KIAA0513: variants seen among roughly 807,000 people sequenced by gnomAD.
KIAA0513 encodes the protein uncharacterized protein KIAA0513.
A neutral mutation model predicts 56.5 loss-of-function variants in KIAA0513; 39 were observed. The ratio of observed to expected loss-of-function variants is 0.69; its 90% confidence interval spans 0.53 to 0.90. KIAA0513 has a LOEUF of 0.90. Among genes scored for constraint, KIAA0513 ranks in the 40% least tolerant of loss-of-function variants. The probability of loss-of-function intolerance (pLI) is 0.00; values close to 1 mark genes in which losing one functional copy is unlikely to be tolerated. For synonymous variants in KIAA0513, 268 were observed against 215.6 expected (o/e 1.24, Z -2.13); for missense variants, 591 against 535.2 (o/e 1.10, Z -1.03).
At chr16:85,075,191 T>G (rs1406150619) in intron 4 of KIAA0513, among the ~76,000 whole-genome samples, 2 of 151,992 alleles carry the variant, frequency 1.3e-5, no homozygotes, top group Non-Finnish European at 2.9e-5. Flanking sequence ...TTGATTAGTT[T>G]TTTATATAAA....
At chr16:85,045,518 G>C (rs1367600863) in intron 1 of KIAA0513, among the ~76,000 whole-genome samples, 2 of 152,234 alleles carry the variant, frequency 1.3e-5, no homozygotes, top group African/African-American at 4.8e-5. Flanking sequence ...ATCATGCCCA[G>C]CTAATTTTTG....
intron 4 of KIAA0513, among the ~76,000 whole-genome samples, chr16:85,074,932 C>T (rs12449059): frequency 0.33 from 49,648 of 150,444 alleles, 8,285 homozygotes; most frequent in Middle Eastern, 0.38. Flanking sequence ...GTTTTTTGTC[C>T]TATATAAGTA....
rs756951543 is a variant in KIAA0513, at chr16:85,078,942, G to A, written c.841G>A (p.Glu281Lys). The change falls in exon 8 of 13, where the codon GAG (glutamate) becomes AAG (lysine). Residue 281 changes from glutamate (E) to lysine (K), a missense_variant. Transcript: ENST00000683363. ...TCCCACAGTGACCGCGTACAGCCCC[G>A]AGGACGAAAAGAAGGGGGAGAAGAT... Reference protein sequence around the residue: ...RPRAVTAYSPEDEKKGEKIYL... With the variant: ...RPRAVTAYSPKDEKKGEKIYL... 7.4e-6 allele frequency: 12 copies of A among 1,614,014 alleles called. No individual in the cohort carries two copies. The highest frequency in any genetic ancestry group is 4.0e-5 in the African/African-American group (3 of 74,902).
intron 3 of KIAA0513, among the ~76,000 whole-genome samples, chr16:85,072,133 G>A (rs770149681): frequency 2.0e-5 from 3 of 152,092 alleles, no homozygotes; most frequent in Non-Finnish European, 2.9e-5. Flanking sequence ...TGGGAGGATC[G>A]CTTGAGCCCA....
intron 2 of KIAA0513, among the ~76,000 whole-genome samples, 182 bp downstream of exon 2, chr16:85,067,582 G>T (rs1293699995): frequency 6.6e-6 from 1 of 152,160 alleles, no homozygotes; most frequent in African/African-American, 2.4e-5. Flanking sequence ...GCAGAGCCAC[G>T]TGGAGAACTT....
chr16:85,032,014 C>T (rs1055080775), intron 1 of KIAA0513, among the ~76,000 whole-genome samples: 46 of 152,172 alleles, frequency 3.0e-4, no homozygotes, highest in Admixed American at 1.8e-3. Context: ...CAAAGAACCA[C>T]GCACTGGGGC....
chr16:85,079,082 C>T, intron 8 of KIAA0513, 79 bp downstream of exon 8: 1 of 1,606,992 alleles, frequency 6.2e-7, no homozygotes, highest in Non-Finnish European at 8.5e-7. Flanking sequence ...CTTCTAGCTG[C>T]CTTTGTCCCC....
intron 8 of KIAA0513, 199 bp downstream of exon 8, chr16:85,079,202 A>G: frequency 8.6e-7 from 1 of 1,163,810 alleles, no homozygotes; most frequent in African/African-American, 1.5e-5. Flanking sequence ...TATGGCTAGG[A>G]GCAATGTAAA....
At chr16:85,041,826 C>G (rs1343550224) in intron 1 of KIAA0513, among the ~76,000 whole-genome samples, 1 of 152,084 alleles carries the variant, frequency 6.6e-6, no homozygotes, top group Non-Finnish European at 1.5e-5. Flanking sequence ...GGGTTCTGGA[C>G]CCATCTGAGG....
intron 1 of KIAA0513, among the ~76,000 whole-genome samples, chr16:85,034,632 G>A (rs867188470): frequency 1.3e-5 from 2 of 152,300 alleles, no homozygotes; most frequent in South Asian, 4.1e-4. Context: ...TTTATCTTAT[G>A]TGGCTGAGGT....
chr16:85,040,036 G>T (rs569989629), intron 1 of KIAA0513, among the ~76,000 whole-genome samples: 29 of 151,830 alleles, frequency 1.9e-4, no homozygotes, highest in African/African-American at 7.0e-4. Flanking sequence ...GTTTCACCAT[G>T]TTGGCCAGGC....
At chr16:85,028,013 G>C (rs1305233866) in intron 1 of KIAA0513, among the ~76,000 whole-genome samples, 155 bp downstream of exon 1, 3 of 151,914 alleles carry the variant, frequency 2.0e-5, no homozygotes, top group Non-Finnish European at 2.9e-5. Flanking sequence ...GGTCCGCGGG[G>C]CGAGCGGGGG....
At chr16:85,030,354 G>A (rs1040860718) in intron 1 of KIAA0513, among the ~76,000 whole-genome samples, 5 of 152,172 alleles carry the variant, frequency 3.3e-5, no homozygotes, top group African/African-American at 1.2e-4. Context: ...GAAATGCGGT[G>A]GTTGTGAAAC....
At position 85,075,162 on chromosome 16, in the gene KIAA0513, A is replaced by G. The variant is rs182471632; in HGVS notation, c.504-682A>G. On this transcript the variant is annotated intron_variant, in intron 4 of 12. Transcript: ENST00000683363. ...TTAATTTTTACTTTTAGTCTTTTATAGTTTTATTACTAGTTTAGTTGATTA... is the reference window on the plus strand; with the variant it reads ...TTAATTTTTACTTTTAGTCTTTTATGGTTTTATTACTAGTTTAGTTGATTA... Among the ~76,000 whole-genome samples the G allele has an allele frequency of 2.0e-4, 30 of 150,846 alleles. 1 individual carries two copies. Among genetic ancestry groups the G allele is most frequent in the African/African-American group, 7.3e-4 (30 of 41,154 alleles).
At chr16:85,085,327 T>C (rs1325586984) in intron 10 of KIAA0513, among the ~76,000 whole-genome samples, 1 of 152,246 alleles carries the variant, frequency 6.6e-6, no homozygotes, top group Non-Finnish European at 1.5e-5. Context: ...CTGTGACCCC[T>C]GCTAAGCTGC....
intron 1 of KIAA0513, among the ~76,000 whole-genome samples, chr16:85,055,703 C>T (rs1308203058): frequency 1.3e-5 from 2 of 152,176 alleles, no homozygotes; most frequent in Non-Finnish European, 2.9e-5. Flanking sequence ...GCACAGAATC[C>T]GCCACCTTCT....
In KIAA0513 at chr16:85,081,183, C is replaced by T. The variant is rs2073738842; in HGVS notation, c.903-132C>T. The T allele has an allele frequency of 1.2e-6, 1 of 804,094 alleles. No individual in the cohort carries two copies. The highest frequency in any genetic ancestry group is 1.7e-5 in the African/African-American group (1 of 59,056). The allele number at this position is 804,094 out of a possible 1,614,324, so 49.8% of individuals were successfully genotyped here. A position where few individuals can be genotyped will look rare whatever the true frequency, so the allele number is the denominator to read the frequency against. Reference sequence around the variant, plus strand: ...TATGCTCAGTTTTTCCTTCTCAGCCCTACCTCTCTGAGACTTCTTAGAAGC... The same window carrying T: ...TATGCTCAGTTTTTCCTTCTCAGCCTTACCTCTCTGAGACTTCTTAGAAGC... On this transcript the variant is annotated intron_variant, in intron 8 of 12. Transcript: ENST00000683363. This position sits in a 1 kb window ranked among gnomAD's most constrained non-coding sequence, Gnocchi z 4.4.
chr16:85,053,668 C>G (rs761082687), intron 1 of KIAA0513, among the ~76,000 whole-genome samples: 19 of 151,504 alleles, frequency 1.3e-4, no homozygotes, highest in Non-Finnish European at 2.5e-4. Context: ...AGAATCAGCC[C>G]AGGCAATATA....
chr16:85,039,921 G>A (rs562428961), intron 1 of KIAA0513, among the ~76,000 whole-genome samples: 12 of 150,946 alleles, frequency 7.9e-5, no homozygotes, highest in Admixed American at 5.9e-4. Flanking sequence ...TACACCCTCC[G>A]CCTCCCAGGT....
Sources: gnomAD v4.1 joint callset for allele counts (sites outside exome capture counted in the v4.1 genomes callset) on GRCh38, gnomAD v4.1.1 for gene constraint, Gnocchi (gnomAD v3.1) non-coding constraint, MANE v1.5 for transcripts, NCBI Gene and HGNC (gene_info 2026-07-23, HGNC 2026-07-21) for gene names.